Variants in DCLRE1C observed in about 807,000 individuals in gnomAD.
The protein encoded by DCLRE1C is DNA cross-link repair 1C, also known as protein artemis.
In DCLRE1C, 47 loss-of-function variants were observed where a neutral mutation model predicts 61.4. That is an observed-to-expected ratio of 0.77 (90% CI 0.61 to 0.98). DCLRE1C has a LOEUF of 0.98. DCLRE1C is among the 50% of genes least tolerant of loss of function. The probability of loss-of-function intolerance (pLI) is 0.00; values close to 1 mark genes in which losing one functional copy is unlikely to be tolerated. For missense variants in DCLRE1C, 858 were observed against 816.0 expected, an observed-to-expected ratio of 1.05 and a Z score of -0.63; for synonymous variants, 337 against 287.6, an observed-to-expected ratio of 1.17 and a Z score of -1.74.
At chr10:14,909,409 C>CT in intron 13 of DCLRE1C, 79 bp from the exon 14 acceptor site, 1 of 1,323,066 alleles carries the variant, frequency 7.6e-7, no homozygotes, top group Non-Finnish European at 1.0e-6. Context: ...ACTTTTAATT[C>CT]TTGGAATTGC....
At chr10:14,940,285 C>CTT (rs1467655165) in intron 3 of DCLRE1C, among the ~76,000 whole-genome samples, 1 of 103,216 alleles carries the variant, frequency 9.7e-6, no homozygotes. Flanking sequence ...ATACACGGTT[C>CTT]TTTTATTTTT....
In DCLRE1C at chr10:14,899,206, G is replaced by C. The variant is rs76797003; in HGVS notation, c.1263C>G (p.Ser421Arg). Reference sequence around the variant, plus strand: ...CATGGCGGTATGCACCTGTGATCCAGCTAGTCAGGAGGCTGAGGCAGGAAG... The same window carrying C: ...CATGGCGGTATGCACCTGTGATCCACCTAGTCAGGAGGCTGAGGCAGGAAG... The change falls in exon 14 of 14, where the codon AGC (serine) becomes AGG (arginine). Residue 421 changes from serine to arginine, a missense_variant. Transcript: ENST00000378289. The C allele has an allele frequency of 3.3e-3, 2,284 of 702,086 alleles. 10 individuals carry two copies. Among genetic ancestry groups the C allele is most frequent in the Non-Finnish European group, 4.9e-3 (1,878 of 384,782 alleles). 43.5% of individuals were successfully genotyped at this position (702,086 alleles called of 1,614,324 possible). A position where few individuals can be genotyped will look rare whatever the true frequency, so the allele number is the denominator to read the frequency against.
chr10:14,936,559 C>G lies in DCLRE1C; in HGVS notation c.341G>C (p.Gly114Ala). 6.2e-7 allele frequency: 1 copy of G among 1,613,238 alleles called. No individual in the cohort carries two copies. Among genetic ancestry groups the G allele is most frequent in the Non-Finnish European group, 8.5e-7 (1 of 1,179,386 alleles). The change falls in exon 5 of 14, where the codon GGT becomes GCT. Residue 114 changes from glycine to alanine, a missense_variant. By Grantham distance (60) the Gly-to-Ala change is moderately conservative (BLOSUM62 0). Transcript: ENST00000378278. ...EEIVVTLLPA[G>A]HCPGSVMFLF... ...TTACATAACTGATCCCGGACAGTGA[C>G]CAGCTGGTAAGAGAGTCACAACAAT...
rs121908156 is a variant in DCLRE1C at position 14,945,110 on chromosome 10, G to A, written c.241C>T (p.Arg81Ter). The change falls in exon 3 of 14, where the codon CGA becomes TGA. Residue 81 changes from arginine (R) to a stop codon, truncating the protein, a stop_gained. Coordinates refer to ENST00000378278, the MANE Select transcript of DCLRE1C (RefSeq NM_001033855.3). LOFTEE classifies it high-confidence loss of function. ...ATTAAAAAAATAAAACTTACAATTC[G>A]TTTCTTCCAAAATCTGTATTTCGGG... Reference protein sequence around the residue: ...TSPKYRFWKKRIISIEIETPT... With the variant: ...TSPKYRFWKK 44 of 1,609,762 alleles carry A rather than the reference G, an allele frequency of 2.7e-5. No individual in the cohort carries two copies. Among genetic ancestry groups the A allele is most frequent in the Admixed American group, 6.7e-5 (4 of 59,812 alleles).
upstream of DCLRE1C, chr10:14,954,366 G>T: frequency 2.6e-6 from 1 of 387,908 alleles, no homozygotes; most frequent in Non-Finnish European, 4.9e-6. Flanking sequence ...AACTCCCAGA[G>T]CAGGTGGCCC....
intron 12 of DCLRE1C, among the ~76,000 whole-genome samples, chr10:14,920,810 C>T (rs576239269): frequency 2.0e-5 from 3 of 151,982 alleles, no homozygotes; most frequent in Admixed American, 6.6e-5. Flanking sequence ...GGTAAGACCC[C>T]GTCTCTATTA....
chr10:14,914,682 C>T (rs534289625), intron 13 of DCLRE1C, among the ~76,000 whole-genome samples: 5 of 152,126 alleles, frequency 3.3e-5, no homozygotes, highest in Non-Finnish European at 7.4e-5. Context: ...TGGTGGCTCA[C>T]GCCTGTAATC....
chr10:14,946,006 CT>C (rs927822514), intron 2 of DCLRE1C, among the ~76,000 whole-genome samples: 2 of 125,588 alleles, frequency 1.6e-5, no homozygotes, highest in African/African-American at 3.0e-5. Flanking sequence ...TCATAATAAA[CT>C]TTTTTTTTCT....
chr10:14,900,642 G>A (rs1564346044), downstream of DCLRE1C, among the ~76,000 whole-genome samples: 1 of 152,124 alleles, frequency 6.6e-6, no homozygotes, highest in Non-Finnish European at 1.5e-5. Context: ...GTTTACTGTA[G>A]TATTCTCAAA....
chr10:14,920,845 G>A (rs1208188960), intron 12 of DCLRE1C, among the ~76,000 whole-genome samples: 1 of 151,550 alleles, frequency 6.6e-6, no homozygotes, highest in Admixed American at 6.6e-5. Flanking sequence ...AGCCAGGTGT[G>A]GTGGTGGGCG....
chr10:14,904,159 G>T (rs1433410928), downstream of DCLRE1C: 8 of 152,024 alleles, frequency 5.3e-5, no homozygotes, highest in African/African-American at 1.7e-4. Context: ...ACAAAAATTA[G>T]CCGGGCGTGG....
chr10:14,942,963 A>G (rs1421574797), intron 3 of DCLRE1C, among the ~76,000 whole-genome samples: 12 of 152,048 alleles, frequency 7.9e-5, no homozygotes, highest in Non-Finnish European at 1.8e-4. Flanking sequence ...CATCTCTACT[A>G]AAAAATACAA....
intron 4 of DCLRE1C, among the ~76,000 whole-genome samples, chr10:14,938,636 A>G (rs1200415657): frequency 6.6e-6 from 1 of 152,230 alleles, no homozygotes; most frequent in Non-Finnish European, 1.5e-5. Flanking sequence ...TATTAAAACC[A>G]TACATTCACA....
At chr10:14,920,473 G>A (rs1419051144) in intron 12 of DCLRE1C, 3 of 988,200 alleles carry the variant, frequency 3.0e-6, no homozygotes, top group South Asian at 4.6e-5. Flanking sequence ...ACAGGGCCAT[G>A]AGGTGCCCAA....
At position 14,932,708 on chromosome 10, in the gene DCLRE1C, A is replaced by G. The variant is rs1399385834; in HGVS notation, c.780+146T>C. ...GTGGTCATGGAATATGGCAATGTAC[A>G]GTTCCATGACCTTGAGCTAACAACT... On this transcript the variant is annotated intron_variant, in intron 9 of 13. Coordinates refer to ENST00000378278, the MANE Select transcript of DCLRE1C (RefSeq NM_001033855.3). The G allele has an allele frequency of 2.2e-5, 19 of 869,734 alleles. No homozygotes were observed. The East Asian group carries it at 3.5e-4, about 16-fold the overall frequency. The allele number at this position is 869,734 out of a possible 1,614,324, so 53.9% of individuals were successfully genotyped here.
chr10:14,936,781 G>A (rs1840000952), intron 4 of DCLRE1C, among the ~76,000 whole-genome samples, 188 bp from the exon 5 acceptor site: 2 of 152,086 alleles, frequency 1.3e-5, no homozygotes, highest in African/African-American at 4.8e-5. Flanking sequence ...GAATTCCCAT[G>A]GGACTGAGCA....
At position 14,945,110 on chromosome 10, in the gene DCLRE1C, G is replaced by T. The variant is rs121908156; in HGVS notation, c.241C>A (p.Arg81=). 3.7e-6 allele frequency: 6 copies of T among 1,609,882 alleles called. No homozygotes were observed. The highest frequency in any genetic ancestry group is 5.1e-6 in the Non-Finnish European group (6 of 1,177,810). The change falls in exon 3 of 14, where the codon CGA becomes AGA. Residue 81 remains arginine (R), a synonymous_variant. Coordinates refer to ENST00000378278, the MANE Select transcript of DCLRE1C (RefSeq NM_001033855.3). ...ATTAAAAAAATAAAACTTACAATTC[G>T]TTTCTTCCAAAATCTGTATTTCGGG... ...TSPKYRFWKK[R]IISIEIETPT... is the part of the protein sequence containing the mutation.
At chr10:14,929,921 T>TA (rs66691679) in intron 9 of DCLRE1C, among the ~76,000 whole-genome samples, 1 of 152,048 alleles carries the variant, frequency 6.6e-6, no homozygotes, top group South Asian at 2.1e-4. Flanking sequence ...GTGCGTGACC[T>TA]AAAAAAATCT....
intron 4 of DCLRE1C, among the ~76,000 whole-genome samples, chr10:14,939,022 G>A (rs1374269521): frequency 6.6e-6 from 1 of 152,188 alleles, no homozygotes; most frequent in Non-Finnish European, 1.5e-5. Flanking sequence ...GCTTTTGGGA[G>A]GTGATTAGTT....
Sources: allele counts gnomAD v4.1 joint callset (sites outside exome capture counted in the v4.1 genomes callset), GRCh38; gene constraint gnomAD v4.1.1; transcripts MANE v1.5; gene names NCBI Gene and HGNC (gene_info 2026-07-23, HGNC 2026-07-21).